Variants in MINDY3 observed in about 807,000 individuals in gnomAD.
MINDY3 encodes the protein MINDY lysine 48 deubiquitinase 3.
MINDY3 carries 38 observed loss-of-function variants against 69.2 expected under a neutral mutation model. That is an observed-to-expected ratio of 0.55 (90% CI 0.42 to 0.72). The LOEUF is 0.72. Ranked by LOEUF, MINDY3 falls within the 30% of genes least tolerant of loss-of-function variation. MINDY3 has a pLI of 0.00. For synonymous variants in MINDY3, 192 were observed against 180.1 expected, an observed-to-expected ratio of 1.07 and a Z score of -0.53; for missense variants, 522 against 519.0, an observed-to-expected ratio of 1.01 and a Z score of -0.06.
chr10:15,803,221 CT>C (rs1406298848), intron 10 of MINDY3, among the ~76,000 whole-genome samples: 3 of 152,066 alleles, frequency 2.0e-5, no homozygotes, highest in Non-Finnish European at 4.4e-5. Context: ...TGTTGCAGTT[CT>C]TTTAACTCTG....
chr10:15,808,881 C>G (rs913299120), intron 10 of MINDY3, among the ~76,000 whole-genome samples: 2 of 152,122 alleles, frequency 1.3e-5, no homozygotes, highest in African/African-American at 2.4e-5. Context: ...GAAGATGAAA[C>G]TAGATGCTAT....
chr10:15,811,677 ATAGT>A (rs1839009460), intron 10 of MINDY3, among the ~76,000 whole-genome samples: 2 of 152,156 alleles, frequency 1.3e-5, no homozygotes, highest in African/African-American at 4.8e-5. Context: ...TACCTATAAT[ATAGT>A]TAACATTACT....
intron 11 of MINDY3, among the ~76,000 whole-genome samples, chr10:15,789,705 T>C (rs1191079381): frequency 6.6e-6 from 1 of 152,158 alleles, no homozygotes; most frequent in Non-Finnish European, 1.5e-5. Context: ...AATAATTCTT[T>C]ACCAACAAAT....
intron 11 of MINDY3, 50 bp downstream of exon 11, chr10:15,796,050 T>G (rs530806244): frequency 7.4e-7 from 1 of 1,352,632 alleles, no homozygotes; most frequent in South Asian, 1.2e-5. Context: ...ATCAATGTAT[T>G]TCAAACATAT....
At chr10:15,815,299 T>C (rs927311317) in intron 10 of MINDY3, among the ~76,000 whole-genome samples, 2 of 152,232 alleles carry the variant, frequency 1.3e-5, no homozygotes, top group East Asian at 1.9e-4. Context: ...TCTGTACTTT[T>C]AGCATTTAAT....
At chr10:15,782,723 G>A (rs1473211009) in intron 13 of MINDY3, among the ~76,000 whole-genome samples, 1 of 151,988 alleles carries the variant, frequency 6.6e-6, no homozygotes, top group Non-Finnish European at 1.5e-5. Flanking sequence ...TTTGAATATT[G>A]TCAACCATTA....
At chr10:15,849,703 G>C (rs1285857459) in intron 1 of MINDY3, among the ~76,000 whole-genome samples, 3 of 151,896 alleles carry the variant, frequency 2.0e-5, no homozygotes, top group Admixed American at 2.0e-4. Context: ...CAATGGAGAG[G>C]GTGCCAGAGA....
chr10:15,781,308 A>G (rs866401090), intron 14 of MINDY3, among the ~76,000 whole-genome samples: 2 of 151,308 alleles, frequency 1.3e-5, no homozygotes, highest in Non-Finnish European at 2.9e-5. Flanking sequence ...ACCTTCCACA[A>G]TTTAGATACA....
intron 14 of MINDY3, among the ~76,000 whole-genome samples, chr10:15,780,866 A>G (rs1836474319): frequency 6.6e-6 from 1 of 152,168 alleles, no homozygotes; most frequent in East Asian, 1.9e-4. Flanking sequence ...GACCAAGGAC[A>G]GGATTGGGAA....
Position 15,829,648 on chromosome 10 carries a change from C to T in MINDY3, c.730+3982G>A, listed in dbSNP as rs1264575372. On this transcript the variant is annotated intron_variant, in intron 8 of 14. Transcript: ENST00000277632. The stretch of plus-strand genomic sequence containing the variant: ...TGAGCAGAGAAATAACCTAACAGGA[C>T]GTGTAAAATAAAATCATTAACTTGT... Among the ~76,000 whole-genome samples, 8 of 152,112 alleles carry T rather than the reference C, an allele frequency of 5.3e-5. No homozygotes were observed. The East Asian group carries it at 5.8e-4, about 11-fold the overall frequency.
intron 10 of MINDY3, among the ~76,000 whole-genome samples, chr10:15,806,895 C>T (rs1327409472): frequency 6.6e-6 from 1 of 152,146 alleles, no homozygotes; most frequent in African/African-American, 2.4e-5. Context: ...TTTTCTACAC[C>T]TACTTCTTCC....
chr10:15,836,321 A>G (rs1564514443), intron 6 of MINDY3, among the ~76,000 whole-genome samples: 1 of 152,006 alleles, frequency 6.6e-6, no homozygotes. Context: ...TCCCTACTAG[A>G]AACAGTATGC....
At chr10:15,846,192 C>G (rs1833832238) in intron 2 of MINDY3, among the ~76,000 whole-genome samples, 1 of 152,140 alleles carries the variant, frequency 6.6e-6, no homozygotes, top group African/African-American at 2.4e-5. Flanking sequence ...ATATAACCAT[C>G]ATTGCATAAC....
At chr10:15,815,969 G>C (rs1256980650) in intron 10 of MINDY3, among the ~76,000 whole-genome samples, 1 of 152,098 alleles carries the variant, frequency 6.6e-6, no homozygotes, top group East Asian at 1.9e-4. Flanking sequence ...TTTTGAAATA[G>C]AAATATTCAG....
intron 8 of MINDY3, among the ~76,000 whole-genome samples, chr10:15,831,844 T>C (rs1394739457): frequency 1.3e-5 from 2 of 152,048 alleles, no homozygotes; most frequent in African/African-American, 4.8e-5. Flanking sequence ...TCTGGTTAAT[T>C]TTTGTATTTC....
At chr10:15,821,014 CG>C (rs1564494568) in intron 9 of MINDY3, among the ~76,000 whole-genome samples, 1 of 152,148 alleles carries the variant, frequency 6.6e-6, no homozygotes, top group East Asian at 1.9e-4. Flanking sequence ...TGACATCTTA[CG>C]AAGTGCAAGT....
chr10:15,843,361 G>A, intron 2 of MINDY3, 89 bp from the exon 3 acceptor site: 1 of 1,037,256 alleles, frequency 9.6e-7, no homozygotes, highest in Non-Finnish European at 1.5e-6. Flanking sequence ...AAAATAATGT[G>A]TACTCCCTTT....
At chr10:15,857,935 A>G (rs528528330) in intron 1 of MINDY3, 1 of 984,966 alleles carries the variant, frequency 1.0e-6, no homozygotes, top group South Asian at 4.7e-5. Context: ...AACTAATGAG[A>G]CTGCAGTTGT....
intron 11 of MINDY3, among the ~76,000 whole-genome samples, chr10:15,792,768 G>A (rs899737055): frequency 1.2e-4 from 18 of 152,042 alleles, no homozygotes; most frequent in Non-Finnish European, 1.3e-4. Context: ...AGGGGGAGGG[G>A]ATAAAGGAGA....
Sources: allele counts gnomAD v4.1 joint callset (sites outside exome capture counted in the v4.1 genomes callset), GRCh38; gene constraint gnomAD v4.1.1; transcripts MANE v1.5; gene names NCBI Gene and HGNC (gene_info 2026-07-23, HGNC 2026-07-21).